RCC1L: variants seen among roughly 807,000 people sequenced by gnomAD.
The protein encoded by RCC1L is RCC1 like.
Under a neutral mutation model 58.6 loss-of-function variants are expected in RCC1L, and 46 were observed. The ratio of observed to expected loss-of-function variants is 0.79; its 90% confidence interval spans 0.62 to 1.00. RCC1L has a LOEUF of 1.00. RCC1L is among the 50% of genes least tolerant of loss of function. The pLI is 0.00. For missense variants in RCC1L, 636 were observed against 623.6 expected, an observed-to-expected ratio of 1.02 and a Z score of -0.21; for synonymous variants, 281 against 262.9, an observed-to-expected ratio of 1.07 and a Z score of -0.67.
intron 6 of RCC1L, among the ~76,000 whole-genome samples, chr7:75,060,575 C>T (rs1806243371): frequency 6.6e-6 from 1 of 152,278 alleles, no homozygotes; most frequent in South Asian, 2.1e-4. Flanking sequence ...GGATTACAGC[C>T]GTGTGCCACC....
At chr7:75,037,049 C>G (rs1805445313) in intron 10 of RCC1L, among the ~76,000 whole-genome samples, 2 of 152,192 alleles carry the variant, frequency 1.3e-5, no homozygotes, top group Non-Finnish European at 2.9e-5. Flanking sequence ...GGCGTGACTT[C>G]ATGTGCTCCA....
At chr7:75,048,100 C>G (rs1805795410) in intron 10 of RCC1L, among the ~76,000 whole-genome samples, 1 of 150,804 alleles carries the variant, frequency 6.6e-6, no homozygotes, top group South Asian at 2.1e-4. Context: ...AACCTCATCT[C>G]TACTAAAAAT....
intron 10 of RCC1L, among the ~76,000 whole-genome samples, chr7:75,048,987 A>G (rs1554443074): frequency 6.6e-6 from 1 of 152,140 alleles, no homozygotes; most frequent in Non-Finnish European, 1.5e-5. Flanking sequence ...ATGTCCTGGA[A>G]AGTTTCTGGA....
At chr7:75,039,697 T>C (rs1805508776), downstream of RCC1L, among the ~76,000 whole-genome samples, 1 of 152,076 alleles carries the variant, frequency 6.6e-6, no homozygotes, top group Admixed American at 6.6e-5. Flanking sequence ...CTGACCTTGG[T>C]TACTGACCCC....
At chr7:75,047,866 C>T (rs1401226168) in intron 10 of RCC1L, among the ~76,000 whole-genome samples, 1 of 146,034 alleles carries the variant, frequency 6.8e-6, no homozygotes, top group Non-Finnish European at 1.5e-5. Context: ...AGGCTGGTAT[C>T]GAACTCCTGA....
At position 75,070,652 on chromosome 7, in the gene RCC1L, G is replaced by C. The variant is rs143969297; in HGVS notation, c.442C>G (p.Arg148Gly). 5.6e-6 allele frequency: 9 copies of C among 1,613,774 alleles called. No homozygotes were observed. The highest frequency in any genetic ancestry group is 7.6e-6 in the Non-Finnish European group (9 of 1,179,956). Residue 148 changes from arginine (R) to glycine (G), a missense_variant, in exon 2 of 11, where the codon CGG becomes GGG. By Grantham distance (125) the Arg-to-Gly change is moderately radical. Coordinates refer to ENST00000610322, the MANE Select transcript of RCC1L (RefSeq NM_030798.5). ...TAGGGATGCTCACTTTTATCTTTCC[G>C]GCTCCTGTGAAATCCAAGCTGAGAA... ...KDSQLGFHRS[R>G]KDKTRGYEYV... is the part of the protein sequence containing the mutation.
chr7:75,072,787 G>C (rs1001103593), intron 1 of RCC1L, among the ~76,000 whole-genome samples: 2 of 152,118 alleles, frequency 1.3e-5, no homozygotes, highest in Non-Finnish European at 2.9e-5. Flanking sequence ...GACCAGTCTA[G>C]CAAACATGGC....
At position 75,061,289 on chromosome 7, in the gene RCC1L, G is replaced by A. The variant is rs1159850302; in HGVS notation, c.705C>T (p.Val235=). 25 of 1,613,290 alleles carry A rather than the reference G, an allele frequency of 1.5e-5. No homozygotes were observed. Among genetic ancestry groups the A allele is most frequent in the East Asian group, 6.7e-5 (3 of 44,864 alleles). The change falls in exon 6 of 11, where the codon GTC becomes GTT. Residue 235 remains valine, a splice_region_variant and synonymous_variant. Transcript: ENST00000610322. The part of the protein sequence containing the change: ...MQDFDGQVVQ[V]ACGQDHSLFL... ...ACAGACTATGATCCTGACCACAGGC[G>A]ACCTAGCAGACAAACAGAGGTAAGG...
chr7:75,056,742 A>G, intron 8 of RCC1L: 1 of 1,534,600 alleles, frequency 6.5e-7, no homozygotes, highest in Non-Finnish European at 8.7e-7. Flanking sequence ...TAAATCGCAG[A>G]CTATTCGCTT....
chr7:75,058,329 T>G, intron 7 of RCC1L: 1 of 450,974 alleles, frequency 2.2e-6, no homozygotes, highest in Non-Finnish European at 4.1e-6. Flanking sequence ...CTGCAAGCGA[T>G]TCAATTCTCA....
chr7:75,055,552 AAT>A (rs1806048153), intron 9 of RCC1L: 1 of 354,514 alleles, frequency 2.8e-6, no homozygotes, highest in African/African-American at 2.1e-5. Flanking sequence ...TTCACTTCCT[AAT>A]CACCCACCCA....
chr7:75,052,233 C>A (rs1175084099), intron 10 of RCC1L, among the ~76,000 whole-genome samples: 2 of 152,182 alleles, frequency 1.3e-5, no homozygotes, highest in East Asian at 3.8e-4. Flanking sequence ...AGCATTCCCC[C>A]ACATGGGCTT....
At chr7:75,048,030 G>A (rs1486442190) in intron 10 of RCC1L, among the ~76,000 whole-genome samples, 1 of 149,710 alleles carries the variant, frequency 6.7e-6, no homozygotes, top group African/African-American at 2.4e-5. Flanking sequence ...ACTTTGGGAG[G>A]CCGAGGCAGG....
chr7:75,061,314 G>GGGGAT lies in RCC1L; in HGVS notation c.703-28_703-24dup, dbSNP rs1806272222. 3.1e-6 allele frequency: 5 copies of GGGGAT among 1,606,856 alleles called. No homozygotes were observed. In the East Asian group the frequency reaches 1.1e-4, roughly 36 times the overall value. ...GACCTAGCAGACAAACAGAGGTAAG[G>GGGGAT]GGGATGAGAGGAAATACTTAGAACC... On this transcript the variant is annotated intron_variant, in intron 5 of 10. Coordinates refer to ENST00000610322, the MANE Select transcript of RCC1L (RefSeq NM_030798.5).
exon 11 of RCC1L, chr7:75,027,707 GGGGACCC>G (rs1182313863): frequency 7.8e-6 from 3 of 386,402 alleles, no homozygotes; most frequent in African/African-American, 4.3e-5. Context: ...GCTGCCCCCT[GGGGACCC>G]TGCTCCTCGG....
At chr7:75,069,817 G>A (rs1019751256) in intron 2 of RCC1L, among the ~76,000 whole-genome samples, 16 of 151,854 alleles carry the variant, frequency 1.1e-4, no homozygotes, top group Non-Finnish European at 4.4e-5. Flanking sequence ...TGCCCTCCTC[G>A]GCTTCCCAAA....
chr7:75,065,158 G>A (rs587770332), intron 3 of RCC1L, among the ~76,000 whole-genome samples: 49 of 150,500 alleles, frequency 3.3e-4, no homozygotes, highest in African/African-American at 1.1e-3. Flanking sequence ...CCCCAAGTTT[G>A]CATTTTCGAC....
At chr7:75,061,087 T>C (rs1806263237) in intron 6 of RCC1L, 120 bp downstream of exon 6, 1 of 852,016 alleles carries the variant, frequency 1.2e-6, no homozygotes, top group African/African-American at 1.7e-5. Context: ...CAGAAAGTGA[T>C]AAGAGGTAAG....
intron 2 of RCC1L, 45 bp from the exon 3 acceptor site, chr7:75,066,837 C>T (rs1806509770): frequency 3.2e-6 from 5 of 1,575,734 alleles, no homozygotes; most frequent in Non-Finnish European, 4.3e-6. Context: ...ATTTCTACCA[C>T]TGGAAATCAT....
Sources: allele counts gnomAD v4.1 joint callset (sites outside exome capture counted in the v4.1 genomes callset), GRCh38; gene constraint gnomAD v4.1.1; transcripts MANE v1.5; gene names NCBI Gene and HGNC (gene_info 2026-07-23, HGNC 2026-07-21).